The following UGT1A1 variants were observed in gnomAD, a reference collection of about 807,000 sequenced individuals.
The protein encoded by UGT1A1 is UDP-glucuronosyltransferase 1A1.
A neutral mutation model predicts 40.6 loss-of-function variants in UGT1A1; 33 were observed. The ratio of observed to expected loss-of-function variants is 0.81; its 90% CI spans 0.62 to 1.09. The LOEUF is 1.09. Among genes scored for constraint, UGT1A1 ranks in the 50% least tolerant of loss-of-function variants. The pLI is 0.00. For synonymous variants in UGT1A1, 249 were observed against 265.0 expected, an observed-to-expected ratio of 0.94 and a Z score of 0.59; for missense variants, 694 against 671.2, an observed-to-expected ratio of 1.03 and a Z score of -0.38.
At position 233,768,432 on chromosome 2, in the gene UGT1A1, G is replaced by C; in HGVS notation, c.1297G>C (p.Asp433His). 6.2e-7 allele frequency: 1 copy of C among 1,613,814 alleles called. No individual in the cohort carries two copies. Among genetic ancestry groups the C allele is most frequent in the Non-Finnish European group, 8.5e-7 (1 of 1,179,896 alleles). The change falls in exon 4 of 5, where the codon GAC becomes CAC. Residue 433 changes from aspartate to histidine, a missense_variant. Physicochemically the swap from Asp to His is moderately conservative, Grantham distance 81. Coordinates refer to ENST00000305208, the MANE Select transcript of UGT1A1 (RefSeq NM_000463.3). ...AAATGCTCTAAAAGCAGTCATCAAT[G>C]ACAAAAGGTAAGAAAGAAGATACAG... is the stretch of plus-strand genomic sequence containing the variant. The part of the protein sequence containing the change: ...LENALKAVIN[D>H]KSYKENIMRL...
intron 2 of UGT1A1, 82 bp from the exon 3 acceptor site, chr2:233,767,765 CCT>C (rs1699477727): frequency 9.3e-6 from 15 of 1,608,904 alleles, no homozygotes; most frequent in Admixed American, 1.7e-5. Context: ...TCAGAGGACC[CCT>C]GTTTTCTAGT....
Position 233,769,424 on chromosome 2 carries a change from G to T in UGT1A1, c.1304+985G>T. 2 of 1,481,600 alleles carry T rather than the reference G, an allele frequency of 1.3e-6. No homozygotes were observed. The highest frequency in any genetic ancestry group is 1.8e-4 in the Middle Eastern group (1 of 5,630). 91.8% of individuals were successfully genotyped at this position (1,481,600 alleles called of 1,614,324 possible). Reference sequence around the variant, plus strand: ...ATGTGCGTGTGCGTTTGTGCATGTGGCTGTGCTCATGTGTGGGTGCACACG... The same window carrying T: ...ATGTGCGTGTGCGTTTGTGCATGTGTCTGTGCTCATGTGTGGGTGCACACG... On this transcript the variant is annotated intron_variant, in intron 4 of 4. Coordinates refer to ENST00000305208, the MANE Select transcript of UGT1A1 (RefSeq NM_000463.3). This position sits in a 1 kb window ranked among gnomAD's most constrained non-coding sequence, Gnocchi z 4.4.
chr2:233,765,286 A>G (rs1698795381), intron 1 of UGT1A1, among the ~76,000 whole-genome samples: 1 of 152,246 alleles, frequency 6.6e-6, no homozygotes. Flanking sequence ...AAATTATTCT[A>G]CTATAAAGAC....
chr2:233,772,111 T>C (rs1459691465), intron 4 of UGT1A1, 151 bp from the exon 5 acceptor site: 1 of 1,527,060 alleles, frequency 6.5e-7, no homozygotes, highest in East Asian at 2.5e-5. Context: ...AGACTCTGTA[T>C]CTAAAAACAA....
At position 233,760,769 on chromosome 2, in the gene UGT1A1, C is replaced by A; in HGVS notation, c.482C>A (p.Ala161Asp). 6 of 1,614,028 alleles carry A rather than the reference C, an allele frequency of 3.7e-6. No homozygotes were observed. Among genetic ancestry groups the A allele is most frequent in the Non-Finnish European group, 5.1e-6 (6 of 1,179,926 alleles). ...TTCCTTCCTTGCAGCCCCATCGTGG[C>A]CCAGTACCTGTCTCTGCCCACTGTA... ...DPFLPCSPIV[A>D]QYLSLPTVFF... Residue 161 changes from alanine (A) to aspartate (D), a missense_variant, in exon 1 of 5, where the codon GCC becomes GAC. Coordinates refer to ENST00000305208, the MANE Select transcript of UGT1A1 (RefSeq NM_000463.3).
At chr2:233,772,179 C>T (rs540394959) in intron 4 of UGT1A1, 83 bp from the exon 5 acceptor site, 1 of 1,585,310 alleles carries the variant, frequency 6.3e-7, no homozygotes, top group East Asian at 2.3e-5. Context: ...ATCTGGTAGT[C>T]TTCTTAAGCA....
At chr2:233,764,324 A>C (rs1432372938) in intron 1 of UGT1A1, among the ~76,000 whole-genome samples, 1 of 152,154 alleles carries the variant, frequency 6.6e-6, no homozygotes, top group Non-Finnish European at 1.5e-5. Context: ...AGCTTTGCCA[A>C]GTAGGGGATG....
rs542562674 is a variant in UGT1A1, at chr2:233,763,721, C to G, written c.864+2570C>G. 2.0e-5 allele frequency among the ~76,000 whole-genome samples: 3 copies of G among 152,262 alleles called. No homozygotes were observed. The South Asian group carries it at 6.2e-4, about 32-fold the overall frequency. On this transcript the variant is annotated intron_variant, in intron 1 of 4. Coordinates refer to ENST00000305208, the MANE Select transcript of UGT1A1 (RefSeq NM_000463.3). Reference sequence around the variant, plus strand: ...TGCACAAAGAAGTCCATAGAGAAAGCACAACCTGGCATTGGCGTGTCTTTG... The same window carrying G: ...TGCACAAAGAAGTCCATAGAGAAAGGACAACCTGGCATTGGCGTGTCTTTG...
chr2:233,766,403 C>T (rs889722071), intron 1 of UGT1A1, among the ~76,000 whole-genome samples: 1 of 152,294 alleles, frequency 6.6e-6, no homozygotes, highest in South Asian at 2.1e-4. Flanking sequence ...TGCGTCCCTC[C>T]GCTGATGTGC....
chr2:233,768,064 A>G, intron 3 of UGT1A1, 128 bp downstream of exon 3: 1 of 1,598,982 alleles, frequency 6.3e-7, no homozygotes, highest in Non-Finnish European at 8.5e-7. Flanking sequence ...ATTGCTTTTT[A>G]TCTAGTGGGG....
intron 1 of UGT1A1, among the ~76,000 whole-genome samples, chr2:233,763,435 T>G (rs1698313873): frequency 6.6e-6 from 1 of 152,248 alleles, no homozygotes; most frequent in African/African-American, 2.4e-5. Flanking sequence ...GTTGCTTTAA[T>G]AAGTGCATTT....
chr2:233,771,572 T>G (rs1700331696), intron 4 of UGT1A1: 1 of 152,318 alleles, frequency 6.6e-6, no homozygotes, highest in Admixed American at 6.5e-5. Context: ...CAGAGGTGGT[T>G]GTTTACAACT....
intron 4 of UGT1A1, among the ~76,000 whole-genome samples, chr2:233,768,740 G>A (rs6431630): frequency 0.18 from 26,721 of 151,438 alleles, 3,378 homozygotes; most frequent in African/African-American, 0.35. Context: ...CCACCACCAC[G>A]CCCGGTTAAT....
At chr2:233,765,641 G>C (rs914163891) in intron 1 of UGT1A1, among the ~76,000 whole-genome samples, 18 of 151,492 alleles carry the variant, frequency 1.2e-4, no homozygotes, top group Admixed American at 9.9e-4. Flanking sequence ...TTAGAGGATA[G>C]GTCAATAGGT....
Position 233,760,403 on chromosome 2 carries a change from A to G in UGT1A1, c.116A>G (p.His39Arg). 6.2e-7 allele frequency: 1 copy of G among 1,614,240 alleles called. No homozygotes were observed. The highest frequency in any genetic ancestry group is 8.5e-7 in the Non-Finnish European group (1 of 1,180,050). ...CTGTTGATCCCAGTGGATGGCAGCC[A>G]CTGGCTGAGCATGCTTGGGGCCATC... ...KILLIPVDGS[H>R]WLSMLGAIQQ... Residue 39 changes from histidine (H) to arginine (R), a missense_variant, in exon 1 of 5, where the codon CAC (histidine) becomes CGC (arginine). Coordinates refer to ENST00000305208, the MANE Select transcript of UGT1A1 (RefSeq NM_000463.3).
chr2:233,766,546 G>A (rs1699179284), intron 1 of UGT1A1, among the ~76,000 whole-genome samples: 1 of 152,192 alleles, frequency 6.6e-6, no homozygotes, highest in Admixed American at 6.5e-5. Flanking sequence ...AAAAATGCCT[G>A]TCCTCACCTA....
chr2:233,768,138 G>A, intron 3 of UGT1A1, 82 bp from the exon 4 acceptor site: 1 of 1,609,178 alleles, frequency 6.2e-7, no homozygotes, highest in Non-Finnish European at 8.5e-7. Context: ...CTGAGTCTTT[G>A]GAGTGTTTTC....
At position 233,769,083 on chromosome 2, in the gene UGT1A1, A is replaced by G. The variant is rs1376592971; in HGVS notation, c.1304+644A>G. On this transcript the variant is annotated intron_variant, in intron 4 of 4. Coordinates refer to ENST00000305208, the MANE Select transcript of UGT1A1 (RefSeq NM_000463.3). This position sits in a 1 kb window ranked among gnomAD's most constrained non-coding sequence, Gnocchi z 4.4. The stretch of plus-strand genomic sequence containing the variant: ...ACAGAAAGAAATACTCCATTATAAG[A>G]AGCATAGTATCTTTAAGAGAAAAAC... 1.3e-5 allele frequency among the ~76,000 whole-genome samples: 2 copies of G among 152,224 alleles called. No homozygotes were observed. Among genetic ancestry groups the G allele is most frequent in the Non-Finnish European group, 2.9e-5 (2 of 68,046 alleles).
In UGT1A1 at chr2:233,769,189, A is replaced by T. The variant is rs1281206912; in HGVS notation, c.1304+750A>T. Among the ~76,000 whole-genome samples, 1 of 152,188 alleles carries T rather than the reference A, an allele frequency of 6.6e-6. No homozygotes were observed. Among genetic ancestry groups the T allele is most frequent in the East Asian group, 1.9e-4 (1 of 5,202 alleles). On this transcript the variant is annotated intron_variant, in intron 4 of 4. Transcript: ENST00000305208. This position sits in a 1 kb window ranked among gnomAD's most constrained non-coding sequence, Gnocchi z 4.4. The stretch of plus-strand genomic sequence containing the variant: ...TGTCCATGGAGTTTATGAATGAAGG[A>T]GCTATAAGATATCACAGACAAAGTC...
Sources: allele counts gnomAD v4.1 joint callset (sites outside exome capture counted in the v4.1 genomes callset), GRCh38; gene constraint gnomAD v4.1.1; non-coding constraint Gnocchi (gnomAD v3.1); transcripts MANE v1.5; gene names NCBI Gene and HGNC (gene_info 2026-07-23, HGNC 2026-07-21).